The following IGFBP4 variants were observed in gnomAD, a reference collection of about 807,000 sequenced individuals.
IGFBP4 encodes the protein insulin like growth factor binding protein 4.
A neutral mutation model predicts 25.8 loss-of-function variants in IGFBP4; 9 were observed. The observed-to-expected ratio is 0.35, with a 90% CI of 0.21 to 0.61. The LOEUF (loss-of-function observed/expected upper bound fraction) is 0.61, where lower values mean the gene tolerates loss of function less well. Ranked by LOEUF, IGFBP4 falls within the 20% of genes least tolerant of loss-of-function variation. The pLI, the probability that IGFBP4 is intolerant of heterozygous loss-of-function variation, is 0.77. For missense variants in IGFBP4, 315 were observed against 365.3 expected (o/e 0.86, Z 1.12); for synonymous variants, 153 against 153.9 (o/e 0.99, Z 0.05).
intron 1 of IGFBP4, among the ~76,000 whole-genome samples, chr17:40,444,884 AAC>A (rs756211064): frequency 0.055 from 4,395 of 80,280 alleles, 143 homozygotes; most frequent in Non-Finnish European, 0.072. Context: ...GAGAGAGAGA[AAC>A]ACACACACAC....
At chr17:40,452,118 A>G (rs1197155736) in intron 1 of IGFBP4, among the ~76,000 whole-genome samples, 2 of 152,174 alleles carry the variant, frequency 1.3e-5, no homozygotes, top group Non-Finnish European at 2.9e-5. Flanking sequence ...GATTACAGGC[A>G]TGAGCCACAA....
chr17:40,453,677 CCA>C lies in IGFBP4; in HGVS notation c.508-248_508-247del, dbSNP rs1830305931. Among the ~76,000 whole-genome samples, 1 of 152,136 alleles carries C rather than the reference CCA, an allele frequency of 6.6e-6. No individual in the cohort carries two copies. The highest frequency in any genetic ancestry group is 1.5e-5 in the Non-Finnish European group (1 of 68,012). On this transcript the variant is annotated intron_variant, in intron 2 of 3. Transcript: ENST00000269593. The surrounding 1 kb of genome is among the most constrained non-coding windows in gnomAD (Gnocchi z 4.0). Reference sequence around the variant, plus strand: ...GCATAGGTTCCCACAGCCCCTTTCCCCACAGTGTCCCCTCACTTCCCACCCCT... The same window carrying C: ...GCATAGGTTCCCACAGCCCCTTTCCCCAGTGTCCCCTCACTTCCCACCCCT...
rs2143731943 is a variant in IGFBP4 at position 40,443,670 on chromosome 17, G to T, written c.-66G>T. 3 of 917,078 alleles carry T rather than the reference G, an allele frequency of 3.3e-6. No homozygotes were observed. Among genetic ancestry groups the T allele is most frequent in the Non-Finnish European group, 4.1e-6 (3 of 735,982 alleles). 56.8% of individuals were successfully genotyped at this position (917,078 alleles called of 1,614,324 possible). On this transcript the variant is annotated 5_prime_UTR_variant, in exon 1 of 4. Transcript: ENST00000269593. Reference sequence around the variant, plus strand: ...TGCCGCCGTGTGCCCTCCGCCGCTCGCCCGCGCGCCCGCGCTCCCCGCCTG... The same window carrying T: ...TGCCGCCGTGTGCCCTCCGCCGCTCTCCCGCGCGCCCGCGCTCCCCGCCTG...
chr17:40,453,062 T>A lies in IGFBP4; in HGVS notation c.427T>A (p.Phe143Ile). Residue 143 changes from phenylalanine (F) to isoleucine (I), a missense_variant, in exon 2 of 4, where the codon TTC (phenylalanine) becomes ATC (isoleucine). Phe to Ile is a conservative substitution (Grantham distance 21). Transcript: ENST00000269593. The surrounding 1 kb of genome is among the most constrained non-coding windows in gnomAD (Gnocchi z 4.0). ...AHDRRCLQKH[F>I]AKIRDRSTSG... is the part of the protein sequence containing the mutation. ...TGACCGCAGGTGCCTGCAGAAGCAC[T>A]TCGCCAAAATTCGAGACCGGAGCAC... The A allele has an allele frequency of 1.2e-6, 2 of 1,601,802 alleles. No homozygotes were observed. Among genetic ancestry groups the A allele is most frequent in the Non-Finnish European group, 1.7e-6 (2 of 1,174,084 alleles).
Position 40,453,108 on chromosome 17 carries a change from T to A in IGFBP4, c.473T>A (p.Val158Asp), listed in dbSNP as rs781373127. 6.3e-6 allele frequency: 10 copies of A among 1,591,446 alleles called. No homozygotes were observed. Among genetic ancestry groups the A allele is most frequent in the Non-Finnish European group, 8.6e-6 (10 of 1,168,672 alleles). The change falls in exon 2 of 4, where the codon GTC (valine) becomes GAC (aspartate). Residue 158 changes from valine to aspartate, a missense_variant. By Grantham distance (152) the Val-to-Asp change is radical. Transcript: ENST00000269593. The surrounding 1 kb of genome is among the most constrained non-coding windows in gnomAD (Gnocchi z 4.0). ...AGCACCAGTGGGGGCAAGATGAAGG[T>A]CAATGGGGCGCCCCGGGAGGATGCC... Reference protein sequence around the residue: ...DRSTSGGKMKVNGAPREDARP... With the variant: ...DRSTSGGKMKDNGAPREDARP...
intron 1 of IGFBP4, among the ~76,000 whole-genome samples, chr17:40,452,299 C>T (rs547856231): frequency 4.6e-5 from 7 of 152,286 alleles, no homozygotes; most frequent in African/African-American, 7.2e-5. Flanking sequence ...TGGGAAACTT[C>T]GAGGTGGGGG....
intron 3 of IGFBP4, 63 bp from the exon 4 acceptor site, chr17:40,456,386 G>T (rs1310061984): frequency 4.4e-6 from 7 of 1,588,730 alleles, no homozygotes; most frequent in East Asian, 2.2e-5. Flanking sequence ...TGGGATTGGG[G>T]TGGGTCACTT....
rs1306621060 is a variant in IGFBP4, at chr17:40,443,966, C to T, written c.231C>T (p.Gly77=). 5 of 1,531,020 alleles carry T rather than the reference C, an allele frequency of 3.3e-6. No homozygotes were observed. Among genetic ancestry groups the T allele is most frequent in the African/African-American group, 2.8e-5 (2 of 72,344 alleles). The allele number at this position is 1,531,020 out of a possible 1,614,324, so 94.8% of individuals were successfully genotyped here. ...CGVYTPRCGS[G]LRCYPPRGVE... ...TGTACACCCCCCGTTGCGGCTCGGG[C>T]CTGCGCTGCTACCCGCCCCGAGGGG... Residue 77 remains glycine (G), a synonymous_variant, in exon 1 of 4, where the codon GGC becomes GGT. Transcript: ENST00000269593.
chr17:40,456,690 C>T lies in IGFBP4; in HGVS notation c.*107C>T, dbSNP rs1023851478. On this transcript the variant is annotated 3_prime_UTR_variant, in exon 4 of 4. Transcript: ENST00000269593. ...TGAGTCTGAGTCCTGTCTCTGCCTGCGGCCCAGAAGTTTCCCTCAAATGCG... is the reference window on the plus strand; with the variant it reads ...TGAGTCTGAGTCCTGTCTCTGCCTGTGGCCCAGAAGTTTCCCTCAAATGCG... 13 of 1,189,538 alleles carry T rather than the reference C, an allele frequency of 1.1e-5. No homozygotes were observed. The highest frequency in any genetic ancestry group is 5.0e-5 in the Admixed American group (2 of 40,190). 73.7% of individuals were successfully genotyped at this position (1,189,538 alleles called of 1,614,324 possible).
chr17:40,450,422 C>T (rs1000983391), intron 1 of IGFBP4, among the ~76,000 whole-genome samples: 9 of 152,250 alleles, frequency 5.9e-5, no homozygotes, highest in African/African-American at 2.2e-4. Context: ...TCCAGGTGAT[C>T]TCCAGCCCTA....
At chr17:40,451,902 T>A (rs1402416776) in intron 1 of IGFBP4, among the ~76,000 whole-genome samples, 1 of 152,186 alleles carries the variant, frequency 6.6e-6, no homozygotes, top group Non-Finnish European at 1.5e-5. Context: ...AGTGGTGTGA[T>A]CATAGCTCAC....
Position 40,454,081 on chromosome 17 carries a change from C to T in IGFBP4, c.642+19C>T. 2.5e-6 allele frequency: 4 copies of T among 1,609,738 alleles called. No homozygotes were observed. The highest frequency in any genetic ancestry group is 3.4e-6 in the Non-Finnish European group (4 of 1,177,810). On this transcript the variant is annotated intron_variant, in intron 3 of 3. Coordinates refer to ENST00000269593, the MANE Select transcript of IGFBP4 (RefSeq NM_001552.3). ...CAAGCAGGTGGGTCTCTGTCTCCCG[C>T]TGGCTTGGCCCTGGACTCAGCTCTG... is the stretch of plus-strand genomic sequence containing the variant.
At position 40,453,580 on chromosome 17, in the gene IGFBP4, G is replaced by A. The variant is rs891198808; in HGVS notation, c.508-348G>A. Reference sequence around the variant, plus strand: ...GGGTCTGGCTAATTTCCCTTCTGAAGGTCTTACAAGTTGTCAGTTGGAAGT... The same window carrying A: ...GGGTCTGGCTAATTTCCCTTCTGAAAGTCTTACAAGTTGTCAGTTGGAAGT... On this transcript the variant is annotated intron_variant, in intron 2 of 3. Transcript: ENST00000269593. The surrounding 1 kb of genome is among the most constrained non-coding windows in gnomAD (Gnocchi z 4.0). 6.6e-6 allele frequency among the ~76,000 whole-genome samples: 1 copy of A among 152,010 alleles called. No individual in the cohort carries two copies. Among genetic ancestry groups the A allele is most frequent in the African/African-American group, 2.4e-5 (1 of 41,368 alleles).
rs543668145 is a variant in IGFBP4, at chr17:40,452,848, G to A, written c.350-137G>A. ...TAGGGGGCTGCTCTTGTTTCTTCCC[G>A]CTCCCCAGGCCCCCTGCTCTTCTCC... On this transcript the variant is annotated intron_variant, in intron 1 of 3. Transcript: ENST00000269593. 2.9e-5 allele frequency: 18 copies of A among 612,408 alleles called. No homozygotes were observed. In the East Asian group the frequency reaches 4.0e-4, roughly 13 times the overall value. 37.9% of individuals were successfully genotyped at this position (612,408 alleles called of 1,614,324 possible).
chr17:40,455,525 G>C (rs1249100035), intron 3 of IGFBP4, among the ~76,000 whole-genome samples: 1 of 151,004 alleles, frequency 6.6e-6, no homozygotes, highest in Non-Finnish European at 1.5e-5. Context: ...TCTTGTTGCC[G>C]AGGCTGGAGT....
At position 40,447,111 on chromosome 17, in the gene IGFBP4, G is replaced by A. The variant is rs80041890; in HGVS notation, c.349+3027G>A. Among the ~76,000 whole-genome samples the A allele has an allele frequency of 5.2e-3, 790 of 152,358 alleles. 9 individuals are homozygous for A. The highest frequency in any genetic ancestry group is 0.018 in the African/African-American group (759 of 41,582). On this transcript the variant is annotated intron_variant, in intron 1 of 3. Transcript: ENST00000269593. ...CTTTTCCTTTTGGGGCTGAGTGTCA[G>A]CAGGTGGCTGGGGGAGGGTGGCCAC...
intron 1 of IGFBP4, among the ~76,000 whole-genome samples, chr17:40,449,329 G>A (rs1388467365): frequency 2.0e-5 from 3 of 152,172 alleles, no homozygotes; most frequent in East Asian, 1.9e-4. Context: ...ACTTTGACTC[G>A]TAAAAGCTCA....
chr17:40,445,452 C>G (rs1293852120), intron 1 of IGFBP4, among the ~76,000 whole-genome samples: 3 of 152,264 alleles, frequency 2.0e-5, no homozygotes, highest in African/African-American at 7.2e-5. Context: ...CCCCAAGCTT[C>G]CTGTCCTGGG....
At chr17:40,454,893 A>G (rs149054776) in intron 3 of IGFBP4, among the ~76,000 whole-genome samples, 141 of 152,246 alleles carry the variant, frequency 9.3e-4, no homozygotes, top group African/African-American at 3.0e-3. Context: ...GCTATAGACA[A>G]ATCCACAATT....
Sources: gnomAD v4.1 joint callset for allele counts (sites outside exome capture counted in the v4.1 genomes callset) on GRCh38, gnomAD v4.1.1 for gene constraint, Gnocchi (gnomAD v3.1) non-coding constraint, MANE v1.5 for transcripts, NCBI Gene and HGNC (gene_info 2026-07-23, HGNC 2026-07-21) for gene names.